VPS13B: variants seen among roughly 807,000 people sequenced by gnomAD.
VPS13B encodes intermembrane lipid transfer protein VPS13B.
Under a neutral mutation model 426.4 loss-of-function variants are expected in VPS13B, and 285 were observed. The ratio of observed to expected loss-of-function variants is 0.67; its 90% confidence interval spans 0.61 to 0.74. The LOEUF (loss-of-function observed/expected upper bound fraction) is 0.74. Ranked by LOEUF, VPS13B falls within the 30% of genes least tolerant of loss-of-function variation. VPS13B has a pLI of 0.00. For synonymous variants in VPS13B, 1,676 were observed against 1,676.4 expected (o/e 1.00, Z 0.01); for missense variants, 4,537 against 4,782.6 (o/e 0.95, Z 1.51).
intron 31 of VPS13B, among the ~76,000 whole-genome samples, chr8:99,563,330 C>A (rs1453928819): frequency 6.6e-6 from 1 of 152,104 alleles, no homozygotes; most frequent in Non-Finnish European, 1.5e-5. Flanking sequence ...TGCTATTTAA[C>A]TATTAGAATG....
At chr8:99,586,435 G>A (rs1231292541) in intron 33 of VPS13B, among the ~76,000 whole-genome samples, 2 of 152,114 alleles carry the variant, frequency 1.3e-5, no homozygotes, top group African/African-American at 4.8e-5. Flanking sequence ...TATAGAAGAG[G>A]AAGATTCAAC....
At chr8:99,374,660 C>G (rs1813382264) in intron 19 of VPS13B, among the ~76,000 whole-genome samples, 1 of 152,104 alleles carries the variant, frequency 6.6e-6, no homozygotes, top group Non-Finnish European at 1.5e-5. Flanking sequence ...CAAAAAAATA[C>G]ATGCCTCTTC....
At chr8:99,126,008 A>G (rs1848173969) in intron 8 of VPS13B, among the ~76,000 whole-genome samples, 1 of 151,974 alleles carries the variant, frequency 6.6e-6, no homozygotes, top group Non-Finnish European at 1.5e-5. Context: ...GAAAAAATCG[A>G]TATAGGCAAG....
At chr8:99,375,743 A>C (rs1813448797) in intron 19 of VPS13B, among the ~76,000 whole-genome samples, 1 of 152,216 alleles carries the variant, frequency 6.6e-6, no homozygotes, top group African/African-American at 2.4e-5. Flanking sequence ...TTAGAGTAGC[A>C]CATAATTTCT....
At chr8:99,660,866 A>G (rs1667642) in intron 34 of VPS13B, among the ~76,000 whole-genome samples, 20,733 of 152,108 alleles carry the variant, frequency 0.14, 1,963 homozygotes, top group East Asian at 0.39. Flanking sequence ...GGTTAACTTC[A>G]AAGATCTAGA....
chr8:99,447,886 T>C (rs1818000354), intron 23 of VPS13B, among the ~76,000 whole-genome samples: 1 of 151,960 alleles, frequency 6.6e-6, no homozygotes, highest in Admixed American at 6.6e-5. Context: ...TCTTTTCAAA[T>C]GATTTTATAA....
In VPS13B at chr8:99,832,451, G is replaced by C. The variant is rs759831421; in HGVS notation, c.9413G>C (p.Cys3138Ser). 6.2e-7 allele frequency: 1 copy of C among 1,602,760 alleles called. No homozygotes were observed. Among genetic ancestry groups the C allele is most frequent in the Admixed American group, 1.7e-5 (1 of 57,782 alleles). Residue 3138 changes from cysteine (C) to serine (S), a missense_variant, in exon 52 of 62, where the codon TGC becomes TCC. By Grantham distance (112) the Cys-to-Ser change is moderately radical (BLOSUM62 -1). Transcript: ENST00000357162. ...QPAMKSSSLP[C>S]WDLMPDISQS... is the part of the protein sequence containing the mutation. The stretch of plus-strand genomic sequence containing the variant: ...GCTATGAAATCCAGCTCCCTTCCTT[G>C]CTGGGACTTGATGCCTGACATCAGT...
In VPS13B at chr8:99,844,431, G is replaced by A. The variant is rs576485568; in HGVS notation, c.9943-4345G>A. ...CAGGCTGGATGGAGTGCAGTGGCCC[G>A]GTCTCGGCTCACTGCAACCTCCGCC... On this transcript the variant is annotated intron_variant, in intron 54 of 61. Transcript: ENST00000357162. Among the ~76,000 whole-genome samples the A allele has an allele frequency of 3.3e-5, 5 of 149,388 alleles. No individual in the cohort carries two copies. In the South Asian group the frequency reaches 6.4e-4, roughly 19 times the overall value.
intron 39 of VPS13B, among the ~76,000 whole-genome samples, chr8:99,723,414 G>A (rs77518253): frequency 0.02 from 3,050 of 152,000 alleles, 110 homozygotes; most frequent in African/African-American, 0.07. Flanking sequence ...TGCTTATTGG[G>A]GTATTTCAGA....
chr8:99,292,372 C>G (rs1819782227), intron 19 of VPS13B, among the ~76,000 whole-genome samples: 1 of 152,052 alleles, frequency 6.6e-6, no homozygotes, highest in Non-Finnish European at 1.5e-5. Flanking sequence ...ACTTTGAAAT[C>G]CTGGGAAAAT....
chr8:99,547,751 A>G (rs1037716540), intron 30 of VPS13B, among the ~76,000 whole-genome samples: 1 of 152,098 alleles, frequency 6.6e-6, no homozygotes. Context: ...GTATGGGATA[A>G]GAGTTTCGGA....
intron 24 of VPS13B, among the ~76,000 whole-genome samples, chr8:99,468,132 T>A (rs1819208164): frequency 1.3e-5 from 2 of 152,162 alleles, no homozygotes. Context: ...GTATATCTCC[T>A]AATGCTATCC....
intron 23 of VPS13B, among the ~76,000 whole-genome samples, chr8:99,446,886 T>G (rs1817946633): frequency 6.6e-6 from 1 of 152,190 alleles, no homozygotes; most frequent in South Asian, 2.1e-4. Flanking sequence ...CAAATTAGTT[T>G]TCCTGTTTTT....
At chr8:99,355,318 C>T (rs1265498850) in intron 19 of VPS13B, among the ~76,000 whole-genome samples, 4 of 152,120 alleles carry the variant, frequency 2.6e-5, no homozygotes, top group African/African-American at 7.2e-5. Flanking sequence ...ACTGGCTGGG[C>T]GTGGTGGCTC....
At chr8:99,524,146 G>T (rs1822522594) in intron 30 of VPS13B, among the ~76,000 whole-genome samples, 1 of 151,914 alleles carries the variant, frequency 6.6e-6, no homozygotes, top group Admixed American at 6.6e-5. Flanking sequence ...TCAAGCAGAA[G>T]AAAGAATTAG....
At chr8:99,048,707 C>G (rs1481331292) in intron 3 of VPS13B, among the ~76,000 whole-genome samples, 2 of 151,812 alleles carry the variant, frequency 1.3e-5, no homozygotes, top group South Asian at 4.2e-4. Flanking sequence ...CCCAGCCACT[C>G]AGGGGGCTGA....
intron 43 of VPS13B, among the ~76,000 whole-genome samples, chr8:99,801,200 C>A (rs1248900952): frequency 6.6e-6 from 1 of 152,122 alleles, no homozygotes; most frequent in Non-Finnish European, 1.5e-5. Flanking sequence ...CTCTCCCACC[C>A]TCTGTCTCAA....
intron 3 of VPS13B, among the ~76,000 whole-genome samples, chr8:99,086,010 T>G (rs1845763474): frequency 6.6e-6 from 1 of 152,214 alleles, no homozygotes; most frequent in African/African-American, 2.4e-5. Flanking sequence ...TGGCCTGCCT[T>G]GCTAGATTGG....
chr8:99,192,411 C>G (rs538248161), intron 16 of VPS13B, among the ~76,000 whole-genome samples: 1 of 152,106 alleles, frequency 6.6e-6, no homozygotes, highest in Admixed American at 6.5e-5. Flanking sequence ...CATTTCATAC[C>G]TTAATATATC....
Sources: gnomAD v4.1 joint callset for allele counts (sites outside exome capture counted in the v4.1 genomes callset) on GRCh38, gnomAD v4.1.1 for gene constraint, MANE v1.5 for transcripts, NCBI Gene and HGNC (gene_info 2026-07-23, HGNC 2026-07-21) for gene names.